The following MYO7B variants were observed in gnomAD, a reference collection of about 807,000 sequenced individuals.
MYO7B encodes the protein unconventional myosin-VIIb.
MYO7B carries 212 observed loss-of-function variants against 259.7 expected under a neutral mutation model. The observed-to-expected ratio is 0.82, with a 90% CI of 0.73 to 0.91. The LOEUF (loss-of-function observed/expected upper bound fraction) is 0.91, where lower values mean the gene tolerates loss of function less well. Among genes scored for constraint, MYO7B ranks in the 40% least tolerant of loss-of-function variants. The pLI is 0.00. For missense variants in MYO7B, 2,732 were observed against 2,813.5 expected, an observed-to-expected ratio of 0.97 and a Z score of 0.66; for synonymous variants, 1,197 against 1,166.4, an observed-to-expected ratio of 1.03 and a Z score of -0.54.
chr2:127,551,159 C>A (rs1285947761), intron 1 of MYO7B, among the ~76,000 whole-genome samples: 1 of 152,166 alleles, frequency 6.6e-6, no homozygotes, highest in Non-Finnish European at 1.5e-5. Context: ...AGGGTGTCAG[C>A]AGGGTTGGGT....
chr2:127,602,655 A>G (rs1680006383), intron 19 of MYO7B, among the ~76,000 whole-genome samples: 1 of 146,944 alleles, frequency 6.8e-6, no homozygotes, highest in East Asian at 1.9e-4. Flanking sequence ...GTCTCCAAAA[A>G]AGAAAACAAA....
intron 36 of MYO7B, 106 bp from the exon 37 acceptor site, chr2:127,631,100 G>A: frequency 7.0e-7 from 1 of 1,432,568 alleles, no homozygotes; most frequent in African/African-American, 1.4e-5. Context: ...GCGGCAGGGT[G>A]GGGTGCTCTG....
chr2:127,589,179 GTGGGTGGATGGGTGAATGGA>G (rs1274157518), intron 15 of MYO7B, among the ~76,000 whole-genome samples: 20 of 146,190 alleles, frequency 1.4e-4, no homozygotes, highest in African/African-American at 5.0e-4. Context: ...GGACGGGTGG[GTGGGTGGATGGGTGAATGGA>G]TGGGTGGATG....
At chr2:127,624,451 G>A in intron 30 of MYO7B, 131 bp downstream of exon 30, 1 of 792,196 alleles carries the variant, frequency 1.3e-6, no homozygotes, top group East Asian at 2.7e-5. Flanking sequence ...AAGGGTGTAG[G>A]TCCCTTCCAG....
chr2:127,543,720 C>T (rs755593167), intron 1 of MYO7B, among the ~76,000 whole-genome samples: 16 of 150,792 alleles, frequency 1.1e-4, no homozygotes, highest in African/African-American at 3.9e-4. Flanking sequence ...TATCCTCTCT[C>T]TCTCTGTTTC....
rs866178227 is a variant in MYO7B, at chr2:127,582,352, G to A, written c.1249G>A (p.Ala417Thr). ...GTGGATTGTCAAGAAGATCAATGCC[G>A]CCATCTTCACACCACCAGCCCAGGA... Reference protein sequence around the residue: ...FLWIVKKINAAIFTPPAQDPK... With the variant: ...FLWIVKKINATIFTPPAQDPK... The change falls in exon 12 of 48, where the codon GCC (alanine) becomes ACC (threonine). Residue 417 changes from alanine to threonine, a missense_variant. Transcript: ENST00000409816. 3.1e-6 allele frequency: 5 copies of A among 1,613,018 alleles called. No individual in the cohort carries two copies. The highest frequency in any genetic ancestry group is 2.7e-5 in the African/African-American group (2 of 74,880).
At position 127,623,455 on chromosome 2, in the gene MYO7B, C is replaced by T. The variant is rs1318340574; in HGVS notation, c.3819+80C>T. Reference sequence around the variant, plus strand: ...CACCCTGAGGCTCAAGCCCTCTCACCTTTCCAGCCCGGCCACCACCTACCC... The same window carrying T: ...CACCCTGAGGCTCAAGCCCTCTCACTTTTCCAGCCCGGCCACCACCTACCC... On this transcript the variant is annotated intron_variant, in intron 29 of 47. Transcript: ENST00000409816. 4.3e-6 allele frequency: 6 copies of T among 1,404,670 alleles called. No individual in the cohort carries two copies. In the Admixed American group the frequency reaches 8.1e-5, roughly 19 times the overall value. 87.0% of individuals were successfully genotyped at this position (1,404,670 alleles called of 1,614,324 possible). A position where few individuals can be genotyped will look rare whatever the true frequency, so the allele number is the denominator to read the frequency against.
intron 16 of MYO7B, among the ~76,000 whole-genome samples, chr2:127,591,078 A>G (rs1455694090): frequency 1.3e-5 from 2 of 152,170 alleles, no homozygotes; most frequent in African/African-American, 4.8e-5. Flanking sequence ...AGTCTCAGCT[A>G]CTCAGGAGGC....
chr2:127,630,694 G>C, intron 35 of MYO7B, 84 bp from the exon 36 acceptor site: 1 of 1,575,838 alleles, frequency 6.3e-7, no homozygotes, highest in Non-Finnish European at 8.6e-7. Context: ...CCAAGTCACT[G>C]AGGCTGCCAG....
Position 127,584,664 on chromosome 2 carries a change from C to T in MYO7B, c.1555-114C>T, listed in dbSNP as rs1679232193. The T allele has an allele frequency of 7.8e-7, 1 of 1,275,562 alleles. No individual in the cohort carries two copies. The highest frequency in any genetic ancestry group is 1.1e-6 in the Non-Finnish European group (1 of 912,238). The allele number at this position is 1,275,562 out of a possible 1,614,324, so 79.0% of individuals were successfully genotyped here. On this transcript the variant is annotated intron_variant, in intron 13 of 47. Coordinates refer to ENST00000409816, the MANE Select transcript of MYO7B (RefSeq NM_001393586.1). This position sits in a 1 kb window ranked among gnomAD's most constrained non-coding sequence, Gnocchi z 5.8. ...CATTAGTTTCCTGTCTGTACAAAGG[C>T]CCTCAATCATTCTGAGCCCAGATCT...
In MYO7B at chr2:127,622,157, A is replaced by AC. The variant is rs1680871483; in HGVS notation, c.3645+61dup. The AC allele has an allele frequency of 1.4e-5, 21 of 1,503,168 alleles. 1 individual carries two copies. In the South Asian group the frequency reaches 2.7e-4, roughly 19 times the overall value. The allele number at this position is 1,503,168 out of a possible 1,614,324, so 93.1% of individuals were successfully genotyped here. ...GGTGGGGTGGTGCAGACCCCCAGGG[A>AC]CCCCCAGCACAGCTCATGGGGTGCC... On this transcript the variant is annotated intron_variant, in intron 28 of 47. Coordinates refer to ENST00000409816, the MANE Select transcript of MYO7B (RefSeq NM_001393586.1).
chr2:127,616,612 A>T (rs1680579587), intron 26 of MYO7B, among the ~76,000 whole-genome samples: 1 of 152,246 alleles, frequency 6.6e-6, no homozygotes, highest in Admixed American at 6.5e-5. Context: ...AGGTCCCCAG[A>T]TACCGGTGGG....
chr2:127,545,621 G>A (rs1349246646), intron 1 of MYO7B, among the ~76,000 whole-genome samples: 3 of 152,250 alleles, frequency 2.0e-5, no homozygotes, highest in Non-Finnish European at 4.4e-5. Flanking sequence ...CCAGGGCCTT[G>A]TCTGGCCTGG....
chr2:127,607,462 G>T lies in MYO7B; in HGVS notation c.2643+38G>T. On this transcript the variant is annotated intron_variant, in intron 21 of 47. Transcript: ENST00000409816. This position sits in a 1 kb window ranked among gnomAD's most constrained non-coding sequence, Gnocchi z 4.4. ...CTGGCCTCTTGGGCAGGTGGGGCTG[G>T]CTGGGGCCCCAGTGGGTGAGGGCAA... 4 of 1,539,400 alleles carry T rather than the reference G, an allele frequency of 2.6e-6. No homozygotes were observed. Among genetic ancestry groups the T allele is most frequent in the Non-Finnish European group, 3.5e-6 (4 of 1,138,868 alleles).
At chr2:127,616,494 C>A (rs766080747) in intron 26 of MYO7B, among the ~76,000 whole-genome samples, 1 of 152,238 alleles carries the variant, frequency 6.6e-6, no homozygotes, top group Non-Finnish European at 1.5e-5. Context: ...TCACCACCAC[C>A]TGAATTTCTC....
Position 127,584,973 on chromosome 2 carries a change from T to C in MYO7B, c.1690+60T>C, listed in dbSNP as rs575183645. 91 of 1,593,326 alleles carry C rather than the reference T, an allele frequency of 5.7e-5. No individual in the cohort carries two copies. The highest frequency in any genetic ancestry group is 5.0e-4 in the Middle Eastern group (3 of 5,968). On this transcript the variant is annotated intron_variant, in intron 14 of 47. Transcript: ENST00000409816. The surrounding 1 kb of genome is among the most constrained non-coding windows in gnomAD (Gnocchi z 5.8). ...TCTGGACCGGGTTCCAGGGAGACCGTGGAAAGCAGGCTCAGAGGATGAGGC... is the reference window on the plus strand; with the variant it reads ...TCTGGACCGGGTTCCAGGGAGACCGCGGAAAGCAGGCTCAGAGGATGAGGC...
rs374246202 is a variant in MYO7B at position 127,629,629 on chromosome 2, C to T, written c.4625-16C>T. 6.8e-6 allele frequency: 11 copies of T among 1,607,838 alleles called. No individual in the cohort carries two copies. The highest frequency in any genetic ancestry group is 9.3e-6 in the Non-Finnish European group (11 of 1,177,726). On this transcript the variant is annotated splice_polypyrimidine_tract_variant and intron_variant, in intron 34 of 47. Transcript: ENST00000409816. ...CCCTGCAGAGCCCTCAGCAAATAGCCTCCCTGCCCTTACAGATGACACCAC... is the reference window on the plus strand; with the variant it reads ...CCCTGCAGAGCCCTCAGCAAATAGCTTCCCTGCCCTTACAGATGACACCAC...
chr2:127,631,519 G>A lies in MYO7B; in HGVS notation c.5096-81G>A. On this transcript the variant is annotated intron_variant, in intron 37 of 47. Transcript: ENST00000409816. ...AGAGCCCACACATGGCTCACCGCAG[G>A]GCCGGGGTCGGGGTCAGCGTCTATC... 3 of 1,548,326 alleles carry A rather than the reference G, an allele frequency of 1.9e-6. No individual in the cohort carries two copies. The South Asian group carries it at 3.7e-5, about 19-fold the overall frequency.
At chr2:127,556,140 A>T (rs1022808805) in intron 1 of MYO7B, among the ~76,000 whole-genome samples, 2 of 152,194 alleles carry the variant, frequency 1.3e-5, no homozygotes, top group African/African-American at 4.8e-5. Context: ...GCCTTTTATG[A>T]TTATATAATA....
Sources: allele counts gnomAD v4.1 joint callset (sites outside exome capture counted in the v4.1 genomes callset), GRCh38; gene constraint gnomAD v4.1.1; non-coding constraint Gnocchi (gnomAD v3.1); transcripts MANE v1.5; gene names NCBI Gene and HGNC (gene_info 2026-07-23, HGNC 2026-07-21).